PKHD1: variants seen among roughly 807,000 people sequenced by gnomAD.
PKHD1 encodes the protein PKHD1 ciliary IPT domain containing fibrocystin/polyductin, also known as fibrocystin.
Under a neutral mutation model 412.0 loss-of-function variants are expected in PKHD1, and 291 were observed. The ratio of observed to expected loss-of-function variants is 0.71; its 90% confidence interval spans 0.64 to 0.78. The LOEUF is 0.78. PKHD1 is among the 30% of genes least tolerant of loss of function. The pLI, the probability that PKHD1 is intolerant of heterozygous loss-of-function variation, is 0.00. For synonymous variants in PKHD1, 1,777 were observed against 1,821.5 expected, an observed-to-expected ratio of 0.98 and a Z score of 0.62; for missense variants, 4,825 against 4,950.7, an observed-to-expected ratio of 0.97 and a Z score of 0.76.
In PKHD1 at chr6:52,048,504, T is replaced by C; in HGVS notation, c.2395A>G (p.Thr799Ala). 2 of 1,614,066 alleles carry C rather than the reference T, an allele frequency of 1.2e-6. No individual in the cohort carries two copies. Among genetic ancestry groups the C allele is most frequent in the South Asian group, 1.1e-5 (1 of 91,074 alleles). The change falls in exon 23 of 67, where the codon ACA becomes GCA. Residue 799 changes from threonine to alanine, a missense_variant. Physicochemically the swap from Thr to Ala is moderately conservative, Grantham distance 58 (BLOSUM62 0). Coordinates refer to ENST00000371117, the MANE Select transcript of PKHD1 (RefSeq NM_138694.4). ...GGHFRIQLPN[T>A]VISDVPVQIS... ...ATCACCCCTTTACCAGAAATCACTG[T>C]ATTAGGAAGCTGGATGCGAAAGTGT...
At chr6:51,807,870 C>G (rs936833625) in intron 52 of PKHD1, among the ~76,000 whole-genome samples, 3 of 151,894 alleles carry the variant, frequency 2.0e-5, no homozygotes, top group Admixed American at 2.0e-4. Context: ...GTAGGAAAAT[C>G]TGTAGAGATG....
At position 52,053,083 on chromosome 6, in the gene PKHD1, G is replaced by A. The variant is rs766225439; in HGVS notation, c.2133C>T (p.Asn711=). 2.0e-5 allele frequency: 32 copies of A among 1,613,760 alleles called. No homozygotes were observed. In the South Asian group the frequency reaches 2.3e-4, roughly 12 times the overall value. Residue 711 remains asparagine (N), a synonymous_variant, in exon 21 of 67, where the codon AAC becomes AAT. Transcript: ENST00000371117. The stretch of plus-strand genomic sequence containing the variant: ...AGAGAATTTGATGATTACCTGTTAC[G>A]TTTGTGTCTGCAATAATAATTTCAT... ...YVDEIIIADT[N]VTVSQADSGT...
chr6:51,953,078 C>A (rs926685292), intron 36 of PKHD1, among the ~76,000 whole-genome samples: 8 of 152,052 alleles, frequency 5.3e-5, no homozygotes, highest in Non-Finnish European at 1.0e-4. Flanking sequence ...GTTTGCTGAC[C>A]AAACTGCAAT....
chr6:51,912,061 T>C, intron 38 of PKHD1, 105 bp from the exon 39 acceptor site: 2 of 948,112 alleles, frequency 2.1e-6, no homozygotes, highest in Non-Finnish European at 3.3e-6. Flanking sequence ...GATCTATTCA[T>C]GTTTCTTTAG....
chr6:51,762,648 C>CATAT (rs112065290), intron 55 of PKHD1, among the ~76,000 whole-genome samples: 1 of 95,656 alleles, frequency 1.0e-5, no homozygotes, highest in East Asian at 8.9e-4. Context: ...CCATTATTCA[C>CATAT]ATATATATAT....
chr6:51,966,620 A>T (rs1792847719), intron 35 of PKHD1, among the ~76,000 whole-genome samples: 1 of 152,122 alleles, frequency 6.6e-6, no homozygotes, highest in Non-Finnish European at 1.5e-5. Context: ...GTATTATCTC[A>T]TTTTGTTACA....
chr6:51,823,193 G>T (rs929718039), intron 52 of PKHD1, among the ~76,000 whole-genome samples: 1 of 152,080 alleles, frequency 6.6e-6, no homozygotes, highest in Non-Finnish European at 1.5e-5. Context: ...AACAGAAGGT[G>T]CCCAATACGG....
intron 35 of PKHD1, among the ~76,000 whole-genome samples, chr6:51,978,261 T>C (rs1233115749): frequency 1.3e-5 from 2 of 152,110 alleles, no homozygotes; most frequent in African/African-American, 4.8e-5. Flanking sequence ...ATTAGATAAA[T>C]TTGGGGGTTT....
chr6:51,801,834 A>G (rs143850443), intron 52 of PKHD1, among the ~76,000 whole-genome samples: 4 of 152,262 alleles, frequency 2.6e-5, no homozygotes, highest in Non-Finnish European at 5.9e-5. Flanking sequence ...TAATTCCCAT[A>G]GTAGAATAAA....
chr6:52,022,838 T>C lies in PKHD1; in HGVS notation c.5343A>G (p.Thr1781=). 1 of 1,614,130 alleles carries C rather than the reference T, an allele frequency of 6.2e-7. No homozygotes were observed. Among genetic ancestry groups the C allele is most frequent in the Non-Finnish European group, 8.5e-7 (1 of 1,180,024 alleles). The change falls in exon 33 of 67, where the codon ACA becomes ACG. Residue 1781 remains threonine, a synonymous_variant. Coordinates refer to ENST00000371117, the MANE Select transcript of PKHD1 (RefSeq NM_138694.4). The part of the protein sequence containing the change: ...GAPCRVLANA[T]VSAFSCLVLP... ...GAACCAAGCAGCTGAAGGCAGACAC[T>C]GTAGCATTAGCCAGGACTCGGCAGG...
chr6:51,920,521 G>A (rs951746311), intron 37 of PKHD1, among the ~76,000 whole-genome samples: 2 of 152,036 alleles, frequency 1.3e-5, no homozygotes, highest in Non-Finnish European at 2.9e-5. Flanking sequence ...TGCTGGATTT[G>A]GTTTGCCAGT....
At chr6:51,825,669 G>C (rs1571080) in intron 52 of PKHD1, among the ~76,000 whole-genome samples, 1 of 151,786 alleles carries the variant, frequency 6.6e-6, no homozygotes, top group Admixed American at 6.6e-5. Flanking sequence ...CCTCGGCCTC[G>C]CCTTTCCCCA....
At chr6:51,900,325 G>C (rs372237099) in intron 43 of PKHD1, among the ~76,000 whole-genome samples, 1 of 152,194 alleles carries the variant, frequency 6.6e-6, no homozygotes, top group East Asian at 1.9e-4. Context: ...AAACAGAGAT[G>C]TAGATCAATG....
At chr6:51,751,784 G>C (rs1786154475) in intron 57 of PKHD1, among the ~76,000 whole-genome samples, 1 of 152,034 alleles carries the variant, frequency 6.6e-6, no homozygotes, top group Non-Finnish European at 1.5e-5. Context: ...TAAATAAATA[G>C]GCAATTGTAC....
chr6:51,806,213 T>C (rs1183436629), intron 52 of PKHD1, among the ~76,000 whole-genome samples: 1 of 99,420 alleles, frequency 1.0e-5, no homozygotes, highest in Non-Finnish European at 2.3e-5. Flanking sequence ...CCCTAAAACT[T>C]AAAGTATAAT....
intron 36 of PKHD1, among the ~76,000 whole-genome samples, chr6:51,948,124 C>T (rs1408941914): frequency 6.6e-6 from 1 of 152,168 alleles, no homozygotes; most frequent in Admixed American, 6.5e-5. Context: ...AAGTCACTCT[C>T]ATCTCACCCA....
chr6:51,844,526 G>A (rs574630548), intron 50 of PKHD1, among the ~76,000 whole-genome samples: 1 of 152,290 alleles, frequency 6.6e-6, no homozygotes, highest in East Asian at 1.9e-4. Context: ...CAATTATTTA[G>A]TGGGCAGCAC....
chr6:51,830,431 C>T (rs925884908), intron 52 of PKHD1, among the ~76,000 whole-genome samples: 2 of 152,076 alleles, frequency 1.3e-5, no homozygotes, highest in African/African-American at 4.8e-5. Flanking sequence ...TCATAGCAAC[C>T]GAAGAGCTTG....
chr6:51,962,833 T>C (rs899821433), intron 35 of PKHD1, among the ~76,000 whole-genome samples: 4 of 152,046 alleles, frequency 2.6e-5, no homozygotes, highest in Non-Finnish European at 4.4e-5. Context: ...CTTCATTCCT[T>C]CTCCCCTAAT....
Sources: gnomAD v4.1 joint callset for allele counts (sites outside exome capture counted in the v4.1 genomes callset) on GRCh38, gnomAD v4.1.1 for gene constraint, MANE v1.5 for transcripts, NCBI Gene and HGNC (gene_info 2026-07-23, HGNC 2026-07-21) for gene names.